TAFA2: variants seen among roughly 807,000 people sequenced by gnomAD.
TAFA2 encodes chemokine-like protein TAFA-2.
Under a neutral mutation model 18.8 loss-of-function variants are expected in TAFA2, and 7 were observed. That is an observed-to-expected ratio of 0.37 (90% CI 0.21 to 0.70). The LOEUF is 0.70. TAFA2 is among the 30% of genes least tolerant of loss of function. TAFA2 has a pLI of 0.53. For synonymous variants in TAFA2, 60 were observed against 54.2 expected (o/e 1.11, Z -0.47); for missense variants, 122 against 158.1 (o/e 0.77, Z 1.23).
chr12:61,869,789 T>A (rs537020608), intron 1 of TAFA2, among the ~76,000 whole-genome samples: 2 of 152,292 alleles, frequency 1.3e-5, no homozygotes, highest in South Asian at 4.1e-4. Flanking sequence ...TCCTACTATT[T>A]GTTTTAAGAA....
chr12:61,729,013 G>C (rs1482328328), intron 4 of TAFA2, among the ~76,000 whole-genome samples: 1 of 147,760 alleles, frequency 6.8e-6, no homozygotes, highest in African/African-American at 2.5e-5. Context: ...TAGTTTCACT[G>C]AATACAAAAT....
chr12:62,041,760 T>G (rs567907085), intron 1 of TAFA2, among the ~76,000 whole-genome samples: 24 of 152,294 alleles, frequency 1.6e-4, no homozygotes, highest in Admixed American at 1.2e-3. Context: ...GTGCTTTTAT[T>G]AACATCATGT....
chr12:61,799,690 C>T (rs1208286428), intron 2 of TAFA2, among the ~76,000 whole-genome samples: 6 of 152,058 alleles, frequency 3.9e-5, no homozygotes, highest in African/African-American at 1.2e-4. Context: ...GGCGTGGTGG[C>T]TGGCGCCTGT....
intron 2 of TAFA2, among the ~76,000 whole-genome samples, chr12:61,810,779 C>T (rs1354098161): frequency 1.3e-5 from 2 of 151,082 alleles, no homozygotes; most frequent in Non-Finnish European, 2.9e-5. Flanking sequence ...GTACAATCCT[C>T]AGTGATCTCT....
At chr12:61,993,468 C>T (rs1467028158) in intron 1 of TAFA2, among the ~76,000 whole-genome samples, 1 of 151,970 alleles carries the variant, frequency 6.6e-6, no homozygotes, top group Non-Finnish European at 1.5e-5. Flanking sequence ...CATCTAGTGG[C>T]GATTGAGAAT....
chr12:61,779,573 A>C (rs572340236), intron 2 of TAFA2, among the ~76,000 whole-genome samples: 3 of 151,942 alleles, frequency 2.0e-5, no homozygotes, highest in Admixed American at 2.0e-4. Flanking sequence ...CTATGATCTT[A>C]TTCTAAGCCA....
At chr12:62,207,495 C>T (rs577324323) in intron 1 of TAFA2, among the ~76,000 whole-genome samples, 5 of 152,160 alleles carry the variant, frequency 3.3e-5, no homozygotes, top group African/African-American at 4.8e-5. Context: ...CACACATACA[C>T]GAGACAAGAA....
chr12:61,751,168 T>G (rs1030642578), intron 4 of TAFA2, among the ~76,000 whole-genome samples: 1 of 152,076 alleles, frequency 6.6e-6, no homozygotes, highest in Non-Finnish European at 1.5e-5. Flanking sequence ...ATTTTAAGAA[T>G]TTTTCTTATC....
chr12:62,167,595 G>A (rs1192107150), intron 1 of TAFA2, among the ~76,000 whole-genome samples: 2 of 152,114 alleles, frequency 1.3e-5, no homozygotes, highest in Non-Finnish European at 2.9e-5. Flanking sequence ...ACTTGAACTG[G>A]AGGTATTATT....
At chr12:62,220,767 C>A (rs2062757044) in intron 1 of TAFA2, among the ~76,000 whole-genome samples, 2 of 152,060 alleles carry the variant, frequency 1.3e-5, no homozygotes, top group South Asian at 4.2e-4. Context: ...AAAAAATAGT[C>A]TATTTAGAGA....
chr12:61,999,200 A>ATATCAT (rs1352965344), intron 1 of TAFA2, among the ~76,000 whole-genome samples: 7 of 152,236 alleles, frequency 4.6e-5, no homozygotes, highest in Admixed American at 1.3e-4. Context: ...CAAATTCAAA[A>ATATCAT]TATCATTCAG....
At chr12:61,984,282 A>G (rs1168830503) in intron 1 of TAFA2, among the ~76,000 whole-genome samples, 1 of 152,252 alleles carries the variant, frequency 6.6e-6, no homozygotes, top group Non-Finnish European at 1.5e-5. Flanking sequence ...ATCCAATAAC[A>G]AGAGAGCCCA....
At chr12:61,836,732 G>GAT (rs3034054) in intron 2 of TAFA2, among the ~76,000 whole-genome samples, 36,023 of 112,668 alleles carry the variant, frequency 0.32, 6,124 homozygotes, top group African/African-American at 0.36. Context: ...TTGCCAATTT[G>GAT]ATATATATAT....
chr12:62,206,217 A>G (rs2062691084), intron 1 of TAFA2, among the ~76,000 whole-genome samples: 1 of 152,104 alleles, frequency 6.6e-6, no homozygotes, highest in Admixed American at 6.6e-5. Flanking sequence ...GCCAGCCTAG[A>G]TATTTAACAT....
At chr12:61,948,310 G>T (rs757122480) in intron 1 of TAFA2, among the ~76,000 whole-genome samples, 2 of 152,156 alleles carry the variant, frequency 1.3e-5, no homozygotes, top group Non-Finnish European at 2.9e-5. Flanking sequence ...AAGCCAAGAT[G>T]AAAATTCAGG....
chr12:61,788,681 G>A (rs1399919593), intron 2 of TAFA2, among the ~76,000 whole-genome samples: 1 of 151,428 alleles, frequency 6.6e-6, no homozygotes, highest in African/African-American at 2.4e-5. Context: ...AAAATGAAGA[G>A]TAAAATAAAT....
chr12:61,807,953 A>G (rs1871694792), intron 2 of TAFA2, among the ~76,000 whole-genome samples: 1 of 151,608 alleles, frequency 6.6e-6, no homozygotes, highest in Admixed American at 6.6e-5. Context: ...GCCTTGTCTC[A>G]GATGAGAACT....
At chr12:61,723,159 C>T (rs1448086526) in intron 4 of TAFA2, among the ~76,000 whole-genome samples, 1 of 152,094 alleles carries the variant, frequency 6.6e-6, no homozygotes, top group Non-Finnish European at 1.5e-5. Flanking sequence ...GTGGCCACTT[C>T]ATGATTTATC....
chr12:62,171,097 T>C (rs1293885773), intron 1 of TAFA2, among the ~76,000 whole-genome samples: 1 of 152,098 alleles, frequency 6.6e-6, no homozygotes, highest in Admixed American at 6.6e-5. Context: ...AAATGTAACA[T>C]TTAAGGTGTC....
Sources: gnomAD v4.1 joint callset for allele counts (sites outside exome capture counted in the v4.1 genomes callset) on GRCh38, gnomAD v4.1.1 for gene constraint, MANE v1.5 for transcripts, NCBI Gene and HGNC (gene_info 2026-07-23, HGNC 2026-07-21) for gene names.